The following CCNF variants were observed in gnomAD, a reference collection of about 807,000 sequenced individuals.
The protein encoded by CCNF is cyclin F.
In CCNF, 30 loss-of-function variants were observed where a neutral mutation model predicts 85.4. That is an observed-to-expected ratio of 0.35 (90% CI 0.26 to 0.48). CCNF has a LOEUF of 0.48. Ranked by LOEUF, CCNF falls within the 20% of genes least tolerant of loss-of-function variation. CCNF has a pLI of 0.99. For missense variants in CCNF, 919 were observed against 1,010.4 expected (o/e 0.91, Z 1.23); for synonymous variants, 439 against 425.1 (o/e 1.03, Z -0.40).
Position 2,456,905 on chromosome 16 carries a change from A to G in CCNF, c.2246A>G (p.Gln749Arg), listed in dbSNP as rs755029983. The G allele has an allele frequency of 8.7e-6, 14 of 1,614,052 alleles. No homozygotes were observed. In the Admixed American group the frequency reaches 1.8e-4, roughly 21 times the overall value. Reference protein sequence around the residue: ...CHHQARKSCLQCRPPSPPESS... With the variant: ...CHHQARKSCLRCRPPSPPESS... ...CATCAGGCCAGGAAGTCATGTTTAC[A>G]GTGTCGTCCCCCAAGTCCCCCGGAG... Residue 749 changes from glutamine (Q) to arginine (R), a missense_variant, in exon 17 of 17, where the codon CAG becomes CGG. Gln to Arg is a conservative substitution (Grantham distance 43). Coordinates refer to ENST00000397066, the MANE Select transcript of CCNF (RefSeq NM_001761.3). The surrounding 1 kb of genome is among the most constrained non-coding windows in gnomAD (Gnocchi z 4.5).
intron 10 of CCNF, among the ~76,000 whole-genome samples, chr16:2,448,330 A>C (rs971263255): frequency 1.3e-5 from 2 of 152,192 alleles, no homozygotes; most frequent in African/African-American, 4.8e-5. Flanking sequence ...AGTCTGCCTA[A>C]CAGCCTTGCT....
intron 10 of CCNF, 77 bp downstream of exon 10, chr16:2,445,699 C>G: frequency 7.7e-7 from 1 of 1,307,068 alleles, no homozygotes; most frequent in Admixed American, 2.4e-5. Context: ...CCTTCATGTG[C>G]TCCTCACTGG....
intron 4 of CCNF, chr16:2,436,858 G>A (rs937061862): frequency 1.1e-4 from 32 of 292,974 alleles, no homozygotes; most frequent in Middle Eastern, 1.8e-3. Context: ...GAAGCGTCGC[G>A]GGGTCTCCTT....
intron 3 of CCNF, 130 bp downstream of exon 3, chr16:2,433,197 T>TG (rs2065271417): frequency 1.6e-6 from 1 of 615,282 alleles, no homozygotes; most frequent in African/African-American, 1.8e-5. Flanking sequence ...CCTCATACCC[T>TG]GGGGAGTGAC....
At chr16:2,450,336 TAAAAAAAA>T (rs869044588) in intron 13 of CCNF, among the ~76,000 whole-genome samples, 3 of 65,912 alleles carry the variant, frequency 4.6e-5, no homozygotes, top group South Asian at 6.9e-4. Flanking sequence ...CTGTCTCTAC[TAAAAAAAA>T]AAAAAAAAAA....
rs748334670 is a variant in CCNF, at chr16:2,448,855, G to T, written c.1095G>T (p.Arg365=). 1.2e-6 allele frequency: 2 copies of T among 1,613,890 alleles called. No homozygotes were observed. Among genetic ancestry groups the T allele is most frequent in the Admixed American group, 1.7e-5 (1 of 60,008 alleles). ...CTGAGACCCCTTCTCGGCGTTGCAG[G>T]TTTATCAGTAAAGAGATCCTGACCA... ...LGIACMVICT[R]FISKEILTIR... The change falls in exon 11 of 17, where the codon CGG becomes CGT. Residue 365 remains arginine (R), a splice_region_variant and synonymous_variant. Transcript: ENST00000397066.
Position 2,435,263 on chromosome 16 carries a change from A to G in CCNF, c.279-543A>G, listed in dbSNP as rs1447746280. On this transcript the variant is annotated intron_variant, in intron 3 of 16. Coordinates refer to ENST00000397066, the MANE Select transcript of CCNF (RefSeq NM_001761.3). ...AGACTCCGTCTCAAAAAAAAAAAAG[A>G]AAAGAAAAGAAAAAAAAAAAGAAAT... Among the ~76,000 whole-genome samples, 3 of 145,154 alleles carry G rather than the reference A, an allele frequency of 2.1e-5. No individual in the cohort carries two copies. The South Asian group carries it at 6.5e-4, about 31-fold the overall frequency.
intron 16 of CCNF, among the ~76,000 whole-genome samples, 166 bp downstream of exon 16, chr16:2,455,730 GGA>G (rs2065423800): frequency 6.6e-6 from 1 of 152,176 alleles, no homozygotes; most frequent in African/African-American, 2.4e-5. Context: ...CCAGACATGG[GGA>G]GAGAGGAGGG....
chr16:2,456,932 G>A lies in CCNF; in HGVS notation c.2273G>A (p.Ser758Asn). Residue 758 changes from serine (S) to asparagine (N), a missense_variant, in exon 17 of 17, where the codon AGC becomes AAC. Physicochemically the swap from Ser to Asn is conservative, Grantham distance 46. Transcript: ENST00000397066. The surrounding 1 kb of genome is among the most constrained non-coding windows in gnomAD (Gnocchi z 4.5). The stretch of plus-strand genomic sequence containing the variant: ...TGTCGTCCCCCAAGTCCCCCGGAGA[G>A]CAGTGTTCCCCAGCAACAGGTGAAG... ...LQCRPPSPPE[S>N]SVPQQQVKRI... The A allele has an allele frequency of 6.2e-7, 1 of 1,614,104 alleles. No homozygotes were observed. Among genetic ancestry groups the A allele is most frequent in the Non-Finnish European group, 8.5e-7 (1 of 1,180,012 alleles).
intron 9 of CCNF, among the ~76,000 whole-genome samples, chr16:2,445,073 T>A (rs1271539488): frequency 6.6e-6 from 1 of 152,038 alleles, no homozygotes; most frequent in Non-Finnish European, 1.5e-5. Flanking sequence ...TATTGGGGCA[T>A]CATTTACCGT....
At chr16:2,434,901 T>G (rs1251409112) in intron 3 of CCNF, among the ~76,000 whole-genome samples, 7 of 152,228 alleles carry the variant, frequency 4.6e-5, no homozygotes, top group African/African-American at 1.7e-4. Context: ...ACCCTGATGT[T>G]TTCAAGGTTC....
At chr16:2,438,150 G>T (rs1181762591) in intron 6 of CCNF, 27 bp downstream of exon 6, 1 of 1,551,336 alleles carries the variant, frequency 6.4e-7, no homozygotes, top group Admixed American at 1.7e-5. Context: ...TCTGCACTGG[G>T]ACTTTGTGTT....
chr16:2,447,072 G>A (rs1040429734), intron 10 of CCNF, among the ~76,000 whole-genome samples: 9 of 152,132 alleles, frequency 5.9e-5, no homozygotes, highest in Admixed American at 2.6e-4. Context: ...GAGGTCGGGC[G>A]GCCGCCTCCC....
At chr16:2,455,088 G>T (rs1287810904) in intron 15 of CCNF, among the ~76,000 whole-genome samples, 1 of 150,996 alleles carries the variant, frequency 6.6e-6, no homozygotes, top group Non-Finnish European at 1.5e-5. Context: ...AAAAACACTG[G>T]AAGGTGGCAT....
At chr16:2,455,255 G>T (rs1026047332) in intron 15 of CCNF, 140 bp from the exon 16 acceptor site, 27 of 1,139,692 alleles carry the variant, frequency 2.4e-5, no homozygotes, top group Non-Finnish European at 3.1e-5. Flanking sequence ...TAGCTTCACC[G>T]GCATCTTCTT....
rs949238141 is a variant in CCNF, at chr16:2,456,324, G to A, written c.1886-221G>A. 2.1e-6 allele frequency: 1 copy of A among 481,998 alleles called. No homozygotes were observed. The highest frequency in any genetic ancestry group is 3.6e-6 in the Non-Finnish European group (1 of 274,484). The allele number at this position is 481,998 out of a possible 1,614,324, so 29.9% of individuals were successfully genotyped here. A position where few individuals can be genotyped will look rare whatever the true frequency, so the allele number is the denominator to read the frequency against. On this transcript the variant is annotated intron_variant, in intron 16 of 16. Coordinates refer to ENST00000397066, the MANE Select transcript of CCNF (RefSeq NM_001761.3). The surrounding 1 kb of genome is among the most constrained non-coding windows in gnomAD (Gnocchi z 4.5). ...TTCTGCGTCCACTTGGCTTGAGCTA[G>A]ATGGCCAACTTGTCATCTCCACATT...
rs2065251420 is a variant in CCNF, at chr16:2,429,456, C to A, written c.-26C>A. ...GCGCGGGCGCGCTCTCAGGCGGGCT[C>A]CGGCGGCAGCGACGCGAGCGCGGCG... On this transcript the variant is annotated 5_prime_UTR_variant, in exon 1 of 17. Transcript: ENST00000397066. 8.2e-7 allele frequency: 1 copy of A among 1,221,460 alleles called. No individual in the cohort carries two copies. The highest frequency in any genetic ancestry group is 1.0e-6 in the Non-Finnish European group (1 of 982,070). The allele number at this position is 1,221,460 out of a possible 1,614,324, so 75.7% of individuals were successfully genotyped here.
chr16:2,455,057 C>CA (rs113432361), intron 15 of CCNF, among the ~76,000 whole-genome samples: 4,274 of 45,446 alleles, frequency 0.094, 126 homozygotes, highest in African/African-American at 0.12. Context: ...AAGAACACCT[C>CA]AAAAAAAAAA....
chr16:2,443,513 C>T (rs762716472), intron 8 of CCNF, 136 bp from the exon 9 acceptor site: 8 of 706,412 alleles, frequency 1.1e-5, no homozygotes, highest in Admixed American at 7.8e-5. Context: ...TCCTTGTTCC[C>T]GAAGCTTGTG....
Sources: gnomAD v4.1 joint callset for allele counts (sites outside exome capture counted in the v4.1 genomes callset) on GRCh38, gnomAD v4.1.1 for gene constraint, Gnocchi (gnomAD v3.1) non-coding constraint, MANE v1.5 for transcripts, NCBI Gene and HGNC (gene_info 2026-07-23, HGNC 2026-07-21) for gene names.